NPIPB2: variants seen among roughly 807,000 people sequenced by gnomAD.
NPIPB2 encodes the protein nuclear pore complex-interacting protein family member B2.
A neutral mutation model predicts 30.8 loss-of-function variants in NPIPB2; 27 were observed. The observed-to-expected ratio is 0.88, with a 90% CI of 0.65 to 1.21. NPIPB2 has a LOEUF of 1.21. Ranked by LOEUF, NPIPB2 falls within the 50% of genes most tolerant of loss-of-function variation. NPIPB2 has a pLI of 0.00. For missense variants in NPIPB2, 440 were observed against 446.2 expected (o/e 0.99, Z 0.13); for synonymous variants, 147 against 162.0 (o/e 0.91, Z 0.70).
At chr16:11,955,443 C>T (rs1436264213) in intron 1 of NPIPB2, among the ~76,000 whole-genome samples, 2 of 150,772 alleles carry the variant, frequency 1.3e-5, no homozygotes, top group Non-Finnish European at 2.9e-5. Flanking sequence ...GGCGTGGTGG[C>T]TCACGCCTGT....
intron 1 of NPIPB2, chr16:11,965,453 A>C: frequency 6.2e-7 from 1 of 1,613,990 alleles, no homozygotes; most frequent in Non-Finnish European, 8.5e-7. Flanking sequence ...ATTGTAATGC[A>C]AGTAAGTAAT....
At chr16:11,936,834 C>T (rs905333935) in intron 2 of NPIPB2, among the ~76,000 whole-genome samples, 7 of 146,920 alleles carry the variant, frequency 4.8e-5, no homozygotes, top group African/African-American at 1.5e-4. Context: ...CTAAGAGATT[C>T]TCTGGGGCTT....
intron 1 of NPIPB2, among the ~76,000 whole-genome samples, chr16:11,949,053 A>G (rs925808270): frequency 6.6e-6 from 1 of 151,562 alleles, no homozygotes; most frequent in African/African-American, 2.4e-5. Context: ...GGCGGCTGAG[A>G]TGGGAGGATT....
chr16:11,935,375 G>T (rs916299584), intron 2 of NPIPB2, among the ~76,000 whole-genome samples: 9 of 152,074 alleles, frequency 5.9e-5, no homozygotes, highest in African/African-American at 1.7e-4. Flanking sequence ...GTGCAGTGGC[G>T]CTACCTTGGC....
intron 1 of NPIPB2, among the ~76,000 whole-genome samples, chr16:11,974,724 A>T (rs1022873337): frequency 2.0e-5 from 3 of 152,092 alleles, no homozygotes; most frequent in Admixed American, 6.6e-5. Flanking sequence ...ACAAGTTGGG[A>T]AAATACTCCT....
At chr16:11,959,492 A>C (rs1451018024) in intron 1 of NPIPB2, among the ~76,000 whole-genome samples, 3 of 152,048 alleles carry the variant, frequency 2.0e-5, no homozygotes, top group Non-Finnish European at 4.4e-5. Flanking sequence ...TGAGAGGCTG[A>C]GGCGGGAGGA....
intron 1 of NPIPB2, among the ~76,000 whole-genome samples, chr16:11,976,141 A>T (rs1596512957): frequency 6.8e-6 from 1 of 148,020 alleles, no homozygotes; most frequent in African/African-American, 2.5e-5. Context: ...TTTCTCACTC[A>T]CCCTCTCGAA....
chr16:11,941,837 C>A (rs2150919394), intron 1 of NPIPB2, 146 bp downstream of exon 1: 2 of 1,184,772 alleles, frequency 1.7e-6, no homozygotes, highest in Non-Finnish European at 2.4e-6. Context: ...CCTTCACAAA[C>A]CTGATTTCTG....
At chr16:11,945,780 TCTC>T (rs923082348), upstream of NPIPB2, among the ~76,000 whole-genome samples, 60 of 152,028 alleles carry the variant, frequency 3.9e-4, no homozygotes, top group African/African-American at 1.3e-3. Context: ...AGCTGTGCCC[TCTC>T]CTCCTTCTAT....
At chr16:11,947,853 C>T (rs1013254215) in intron 1 of NPIPB2, among the ~76,000 whole-genome samples, 2 of 151,200 alleles carry the variant, frequency 1.3e-5, no homozygotes, top group Non-Finnish European at 2.9e-5. Context: ...AGCAGCTGGT[C>T]ATGGAAGCTG....
chr16:11,942,246 C>T (rs2054951847), upstream of NPIPB2: 1 of 612,064 alleles, frequency 1.6e-6, no homozygotes, highest in East Asian at 2.8e-5. Context: ...CAGCATGTTT[C>T]TGATCATATA....
At chr16:11,946,121 T>C (rs556456196), upstream of NPIPB2, among the ~76,000 whole-genome samples, 1 of 151,392 alleles carries the variant, frequency 6.6e-6, no homozygotes, top group Non-Finnish European at 1.5e-5. Context: ...CATGGTGGCT[T>C]ATACCTGTAA....
At chr16:11,970,212 C>CATTT (rs1003812386) in intron 1 of NPIPB2, among the ~76,000 whole-genome samples, 2 of 151,046 alleles carry the variant, frequency 1.3e-5, no homozygotes, top group Non-Finnish European at 3.0e-5. Flanking sequence ...TATTTTTATT[C>CATTT]ATTTATTTAT....
intron 1 of NPIPB2, among the ~76,000 whole-genome samples, chr16:11,958,852 A>G (rs965224384): frequency 2.0e-5 from 3 of 152,192 alleles, no homozygotes; most frequent in East Asian, 3.8e-4. Flanking sequence ...GTGTTACGGG[A>G]TAAGGGAAGG....
intron 1 of NPIPB2, among the ~76,000 whole-genome samples, chr16:11,962,921 G>T (rs1173617741): frequency 6.6e-6 from 1 of 151,998 alleles, no homozygotes; most frequent in Non-Finnish European, 1.5e-5. Flanking sequence ...ACAAATATTT[G>T]CTGGGCATGA....
intron 4 of NPIPB2, among the ~76,000 whole-genome samples, chr16:11,932,118 G>C: frequency 6.6e-6 from 1 of 151,720 alleles, no homozygotes; most frequent in South Asian, 2.1e-4. Flanking sequence ...TGTAGGGACT[G>C]AGCCTGCACC....
Position 11,951,482 on chromosome 16 carries a change from G to GA in NPIPB2, c.-583-9369dup, listed in dbSNP as rs2055062388. ...TCTCAAAAAAAAAAAAAAAAAGAAA[G>GA]AAAAGAAAAATTAACATTACTCAGA... On this transcript the variant is annotated intron_variant, in intron 1 of 5. Transcript: ENST00000538896. Among the ~76,000 whole-genome samples the GA allele has an allele frequency of 2.5e-5, 2 of 80,388 alleles. 1 individual carries two copies. Among genetic ancestry groups the GA allele is most frequent in the African/African-American group, 9.3e-5 (2 of 21,612 alleles). The allele number at this position is 80,388 out of a possible 152,430, so 52.7% of individuals were successfully genotyped here. A position where few individuals can be genotyped will look rare whatever the true frequency, so the allele number is the denominator to read the frequency against.
At chr16:11,973,357 T>TAGCCATGATTTCCATAGCTG (rs1216503538) in intron 1 of NPIPB2, among the ~76,000 whole-genome samples, 12 of 152,106 alleles carry the variant, frequency 7.9e-5, no homozygotes, top group African/African-American at 2.9e-4. Context: ...TTTTGGTTTA[T>TAGCCATGATTTCCATAGCTG]AGCCATGATT....
At chr16:11,936,316 GA>G (rs1330082660) in intron 2 of NPIPB2, among the ~76,000 whole-genome samples, 2 of 147,490 alleles carry the variant, frequency 1.4e-5, no homozygotes, top group Non-Finnish European at 3.0e-5. Flanking sequence ...GGTGAGAAAA[GA>G]AAAAAAAAAG....
Sources: gnomAD v4.1 joint callset for allele counts (sites outside exome capture counted in the v4.1 genomes callset) on GRCh38, gnomAD v4.1.1 for gene constraint, MANE v1.5 for transcripts, NCBI Gene and HGNC (gene_info 2026-07-23, HGNC 2026-07-21) for gene names.